Variants in SCAPER observed in about 807,000 individuals in gnomAD.
SCAPER encodes S-phase cyclin A associated protein in the ER.
SCAPER carries 98 observed loss-of-function variants against 182.2 expected under a neutral mutation model. That is an observed-to-expected ratio of 0.54 (90% confidence interval 0.46 to 0.64). SCAPER has a LOEUF of 0.64. Ranked by LOEUF, SCAPER falls within the 30% of genes least tolerant of loss-of-function variation. The pLI is 0.00. For synonymous variants in SCAPER, 605 were observed against 564.6 expected (o/e 1.07, Z -1.01); for missense variants, 1,432 against 1,690.0 (o/e 0.85, Z 2.68).
chr15:76,612,096 C>T (rs1486307461), intron 22 of SCAPER, among the ~76,000 whole-genome samples: 3 of 152,256 alleles, frequency 2.0e-5, no homozygotes, highest in African/African-American at 7.2e-5. Flanking sequence ...CTGGCTAGGG[C>T]AATCAGGCAA....
At chr15:76,621,353 C>T (rs1386880259) in intron 22 of SCAPER, among the ~76,000 whole-genome samples, 2 of 152,166 alleles carry the variant, frequency 1.3e-5, no homozygotes, top group Non-Finnish European at 2.9e-5. Flanking sequence ...TACGGACTGG[C>T]CCGAGGAACA....
At chr15:76,491,921 C>T (rs901661370) in intron 24 of SCAPER, among the ~76,000 whole-genome samples, 4 of 152,146 alleles carry the variant, frequency 2.6e-5, no homozygotes, top group South Asian at 2.1e-4. Context: ...CGTTAGCCAC[C>T]GTGCCTGGCT....
At chr15:76,806,245 T>C (rs1015172612) in intron 5 of SCAPER, among the ~76,000 whole-genome samples, 1 of 152,244 alleles carries the variant, frequency 6.6e-6, no homozygotes, top group South Asian at 2.1e-4. Context: ...TCCAAATTCA[T>C]TTGTTGCACA....
intron 27 of SCAPER, among the ~76,000 whole-genome samples, chr15:76,395,608 A>C (rs2043995112): frequency 6.6e-6 from 1 of 152,156 alleles, no homozygotes; most frequent in South Asian, 2.1e-4. Flanking sequence ...AATGATGTTG[A>C]GCACCTTTTC....
chr15:76,826,840 CTAACT>C (rs1221746877), intron 5 of SCAPER, among the ~76,000 whole-genome samples: 2 of 152,166 alleles, frequency 1.3e-5, no homozygotes, highest in African/African-American at 4.8e-5. Context: ...AGCTCTGAGG[CTAACT>C]TGTTATGTAA....
At chr15:76,568,161 G>C (rs1338559261) in intron 23 of SCAPER, among the ~76,000 whole-genome samples, 1 of 147,396 alleles carries the variant, frequency 6.8e-6, no homozygotes, top group Non-Finnish European at 1.5e-5. Context: ...TATGTGCATA[G>C]ACAAGTACCT....
chr15:76,717,259 G>A (rs2059938191), intron 17 of SCAPER, among the ~76,000 whole-genome samples: 2 of 151,832 alleles, frequency 1.3e-5, no homozygotes, highest in South Asian at 2.1e-4. Context: ...GGAATTCACT[G>A]ACACTAGACC....
intron 23 of SCAPER, among the ~76,000 whole-genome samples, chr15:76,560,185 A>G (rs1216253611): frequency 6.6e-6 from 1 of 152,100 alleles, no homozygotes; most frequent in Non-Finnish European, 1.5e-5. Context: ...TGGGGAAATA[A>G]TTTAGGAGGT....
intron 21 of SCAPER, among the ~76,000 whole-genome samples, chr15:76,633,956 C>T (rs944436742): frequency 1.3e-5 from 2 of 152,200 alleles, no homozygotes; most frequent in Non-Finnish European, 2.9e-5. Flanking sequence ...TGGCTTCAGC[C>T]CCCTTCCCAT....
At chr15:76,719,063 GAAATGGAATCACCACCTCATAAAGAT>G (rs2060049768) in intron 17 of SCAPER, among the ~76,000 whole-genome samples, 1 of 152,080 alleles carries the variant, frequency 6.6e-6, no homozygotes, top group Non-Finnish European at 1.5e-5. Flanking sequence ...ATACCCAAAG[GAAATGGAATCACCACCTCATAAAGAT>G]ATTTGCACTT....
intron 5 of SCAPER, among the ~76,000 whole-genome samples, chr15:76,834,468 C>A (rs2068762952): frequency 6.6e-6 from 1 of 151,974 alleles, no homozygotes; most frequent in Non-Finnish European, 1.5e-5. Flanking sequence ...GGCAAACCAA[C>A]CCCAAAACTA....
intron 20 of SCAPER, among the ~76,000 whole-genome samples, chr15:76,700,448 C>T (rs1347704416): frequency 6.6e-6 from 1 of 152,232 alleles, no homozygotes; most frequent in Non-Finnish European, 1.5e-5. Context: ...CCACTCCTTG[C>T]TTAGTTAGCC....
rs200526098 is a variant in SCAPER, at chr15:76,570,791, GTCTTC to G, written c.2838+3362_2838+3366del. Among the ~76,000 whole-genome samples, 1,249 of 152,010 alleles carry G rather than the reference GTCTTC, an allele frequency of 8.2e-3. 18 individuals are homozygous for G. The highest frequency in any genetic ancestry group is 0.029 in the African/African-American group (1,192 of 41,448). On this transcript the variant is annotated intron_variant, in intron 23 of 31. Coordinates refer to ENST00000563290, the MANE Select transcript of SCAPER (RefSeq NM_020843.4). The stretch of plus-strand genomic sequence containing the variant: ...AGGTGTCTTCTTCCAATGAGGATTT[GTCTTC>G]TCTTCTGCTTGATTCCTAAAGACAC...
At chr15:76,714,606 T>A (rs1480750100) in intron 17 of SCAPER, among the ~76,000 whole-genome samples, 1 of 151,858 alleles carries the variant, frequency 6.6e-6, no homozygotes, top group African/African-American at 2.4e-5. Flanking sequence ...TAAAAGGGGC[T>A]TTTGGGGAGC....
intron 23 of SCAPER, among the ~76,000 whole-genome samples, chr15:76,552,846 G>T (rs941507315): frequency 6.6e-6 from 1 of 152,120 alleles, no homozygotes; most frequent in Non-Finnish European, 1.5e-5. Flanking sequence ...TGGTTAGTCC[G>T]ATCATAGCGC....
intron 20 of SCAPER, among the ~76,000 whole-genome samples, chr15:76,692,696 G>GAGA (rs2058429987): frequency 1.0e-5 from 1 of 98,786 alleles, no homozygotes; most frequent in Admixed American, 1.2e-4. Flanking sequence ...TTCAAAAAAA[G>GAGA]AAAAAAAAAA....
chr15:76,486,425 T>A (rs1363129671), intron 24 of SCAPER, among the ~76,000 whole-genome samples: 1 of 152,000 alleles, frequency 6.6e-6, no homozygotes, highest in Non-Finnish European at 1.5e-5. Context: ...AGTAAGCAGA[T>A]GACCTACAGA....
intron 23 of SCAPER, among the ~76,000 whole-genome samples, chr15:76,573,109 A>G (rs2047565459): frequency 6.6e-6 from 1 of 152,182 alleles, no homozygotes; most frequent in African/African-American, 2.4e-5. Context: ...TCTATTGTGC[A>G]ATATTTTATA....
intron 24 of SCAPER, among the ~76,000 whole-genome samples, chr15:76,485,186 A>G (rs1401035501): frequency 6.6e-6 from 1 of 152,228 alleles, no homozygotes; most frequent in African/African-American, 2.4e-5. Flanking sequence ...TCTTGAGCTG[A>G]TAACTTCAGT....
Sources: gnomAD v4.1 joint callset for allele counts (sites outside exome capture counted in the v4.1 genomes callset) on GRCh38, gnomAD v4.1.1 for gene constraint, MANE v1.5 for transcripts, NCBI Gene and HGNC (gene_info 2026-07-23, HGNC 2026-07-21) for gene names.